Variants in BCL2 observed in about 807,000 individuals in gnomAD.
BCL2 encodes the protein apoptosis regulator Bcl-2.
A neutral mutation model predicts 14.2 loss-of-function variants in BCL2; 1 was observed. The observed-to-expected ratio is 0.07, with a 90% CI of 0.02 to 0.33. The LOEUF (loss-of-function observed/expected upper bound fraction) is 0.33. Among genes scored for constraint, BCL2 ranks in the 10% least tolerant of loss-of-function variants. The pLI is 0.99. For missense variants in BCL2, 247 were observed against 305.9 expected, an observed-to-expected ratio of 0.81 and a Z score of 1.44; for synonymous variants, 151 against 137.2, an observed-to-expected ratio of 1.10 and a Z score of -0.70.
chr18:63,211,802 C>T (rs563311644), intron 2 of BCL2, among the ~76,000 whole-genome samples: 57 of 152,318 alleles, frequency 3.7e-4, no homozygotes, highest in African/African-American at 1.3e-3. Flanking sequence ...AGGAGCCATG[C>T]CACGCAAAGG....
chr18:63,307,697 G>C (rs1165288843), intron 2 of BCL2, among the ~76,000 whole-genome samples: 6 of 152,182 alleles, frequency 3.9e-5, no homozygotes, highest in Non-Finnish European at 8.8e-5. Flanking sequence ...AGATACTTTG[G>C]AGAACAGGCC....
At chr18:63,180,438 C>T (rs547710812) in intron 2 of BCL2, among the ~76,000 whole-genome samples, 31 of 152,364 alleles carry the variant, frequency 2.0e-4, no homozygotes, top group Non-Finnish European at 3.1e-4. Context: ...TCCGATTCCC[C>T]GGCTCTATGG....
chr18:63,171,100 T>C (rs1002314074), intron 2 of BCL2, among the ~76,000 whole-genome samples: 3 of 152,254 alleles, frequency 2.0e-5, no homozygotes, highest in Non-Finnish European at 4.4e-5. Flanking sequence ...GAATTCAAAG[T>C]GAACTTTTAA....
intron 2 of BCL2, among the ~76,000 whole-genome samples, chr18:63,169,953 T>C (rs905550494): frequency 1.3e-5 from 2 of 152,156 alleles, no homozygotes; most frequent in African/African-American, 4.8e-5. Context: ...ATGTTTTCCT[T>C]GCAACTGTAA....
At chr18:63,275,055 T>G (rs2144245622) in intron 2 of BCL2, among the ~76,000 whole-genome samples, 1 of 152,130 alleles carries the variant, frequency 6.6e-6, no homozygotes, top group East Asian at 1.9e-4. Flanking sequence ...ATGGTATACA[T>G]ATTCACTCTT....
chr18:63,255,473 AT>A (rs1911444564), intron 2 of BCL2, among the ~76,000 whole-genome samples: 1 of 152,214 alleles, frequency 6.6e-6, no homozygotes, highest in African/African-American at 2.4e-5. Context: ...GCCGTATCTG[AT>A]TCATTCAAAT....
At chr18:63,259,294 G>A (rs755391365) in intron 2 of BCL2, among the ~76,000 whole-genome samples, 1 of 152,270 alleles carries the variant, frequency 6.6e-6, no homozygotes, top group African/African-American at 2.4e-5. Flanking sequence ...AGCGGGCAGC[G>A]TGTAAGTGTC....
chr18:63,206,649 A>G (rs1031172123), intron 2 of BCL2, among the ~76,000 whole-genome samples: 2 of 152,244 alleles, frequency 1.3e-5, no homozygotes, highest in African/African-American at 4.8e-5. Context: ...TGATGCCTCT[A>G]GTAAGTGCCA....
chr18:63,181,535 T>C (rs1161821306), intron 2 of BCL2, among the ~76,000 whole-genome samples: 2 of 152,222 alleles, frequency 1.3e-5, no homozygotes, highest in Non-Finnish European at 2.9e-5. Context: ...TGTTTCTTTT[T>C]AGCTCTCCTA....
At chr18:63,174,179 G>A (rs981852916) in intron 2 of BCL2, among the ~76,000 whole-genome samples, 1 of 152,078 alleles carries the variant, frequency 6.6e-6, no homozygotes, top group African/African-American at 2.4e-5. Flanking sequence ...TATGAAATGA[G>A]TACTCTTTTG....
At chr18:63,220,377 A>C (rs1910355736) in intron 2 of BCL2, among the ~76,000 whole-genome samples, 1 of 152,284 alleles carries the variant, frequency 6.6e-6, no homozygotes, top group African/African-American at 2.4e-5. Flanking sequence ...CTTGCATGAA[A>C]AATTTTACAA....
At chr18:63,180,517 CCCAG>C in intron 2 of BCL2, among the ~76,000 whole-genome samples, 1 of 151,670 alleles carries the variant, frequency 6.6e-6, no homozygotes, top group South Asian at 2.1e-4. Context: ...CCCACCCCAC[CCCAG>C]ACCGCCCATC....
intron 2 of BCL2, among the ~76,000 whole-genome samples, chr18:63,174,889 C>G (rs1239197473): frequency 6.6e-6 from 1 of 151,714 alleles, no homozygotes; most frequent in Non-Finnish European, 1.5e-5. Flanking sequence ...TCATCTCCCC[C>G]AAAACACTAA....
intron 2 of BCL2, among the ~76,000 whole-genome samples, chr18:63,160,723 C>A (rs4987807): frequency 0.012 from 1,873 of 152,262 alleles, 35 homozygotes; most frequent in African/African-American, 0.043. Flanking sequence ...CTCCCTGTCT[C>A]CACTTGGGCA....
chr18:63,170,017 A>G (rs1463064583), intron 2 of BCL2, among the ~76,000 whole-genome samples: 1 of 152,174 alleles, frequency 6.6e-6, no homozygotes, highest in Non-Finnish European at 1.5e-5. Flanking sequence ...AGTGATCAGT[A>G]TGTGGAAGGA....
intron 2 of BCL2, among the ~76,000 whole-genome samples, chr18:63,225,916 G>C (rs980294737): frequency 6.6e-6 from 1 of 152,186 alleles, no homozygotes; most frequent in Non-Finnish European, 1.5e-5. Flanking sequence ...CTCAGTGGGG[G>C]CGGTCAGTGT....
chr18:63,129,965 T>G (rs887008377), intron 2 of BCL2, among the ~76,000 whole-genome samples: 1 of 152,216 alleles, frequency 6.6e-6, no homozygotes, highest in Non-Finnish European at 1.5e-5. Context: ...GGTGTGTCAC[T>G]GGATGTGCAG....
chr18:63,241,678 C>T (rs1911005807), intron 2 of BCL2, among the ~76,000 whole-genome samples: 1 of 152,204 alleles, frequency 6.6e-6, no homozygotes, highest in Admixed American at 6.5e-5. Context: ...TGATAACCCT[C>T]TGGAAAATAT....
At chr18:63,181,850 T>C (rs1352616318) in intron 2 of BCL2, among the ~76,000 whole-genome samples, 1 of 152,202 alleles carries the variant, frequency 6.6e-6, no homozygotes, top group African/African-American at 2.4e-5. Flanking sequence ...GGCAGATGCA[T>C]GCAGGTTCCA....
Sources: gnomAD v4.1 joint callset for allele counts (sites outside exome capture counted in the v4.1 genomes callset) on GRCh38, gnomAD v4.1.1 for gene constraint, MANE v1.5 for transcripts, NCBI Gene and HGNC (gene_info 2026-07-23, HGNC 2026-07-21) for gene names.